ADAMTSL1: variants seen among roughly 807,000 people sequenced by gnomAD.
ADAMTSL1 encodes the protein ADAMTS-like protein 1.
A neutral mutation model predicts 201.8 loss-of-function variants in ADAMTSL1; 126 were observed. That is an observed-to-expected ratio of 0.62 (90% CI 0.54 to 0.72). The LOEUF is 0.72. Ranked by LOEUF, ADAMTSL1 falls within the 30% of genes least tolerant of loss-of-function variation. The pLI is 0.00. For synonymous variants in ADAMTSL1, 1,121 were observed against 903.4 expected (o/e 1.24, Z -4.32); for missense variants, 2,679 against 2,277.8 (o/e 1.18, Z -3.59).
intron 23 of ADAMTSL1, among the ~76,000 whole-genome samples, chr9:18,847,667 G>C (rs1358154897): frequency 2.7e-5 from 2 of 72,916 alleles, no homozygotes; most frequent in East Asian, 6.6e-4. Context: ...GAGAAGAGAG[G>C]AGAAGAGCAT....
intron 2 of ADAMTSL1, among the ~76,000 whole-genome samples, chr9:18,441,156 G>A (rs1178698595): frequency 6.6e-6 from 1 of 151,306 alleles, no homozygotes; most frequent in Non-Finnish European, 1.5e-5. Flanking sequence ...GTAGCTATCA[G>A]GGGCTGGGAG....
At chr9:18,185,787 T>C (rs553622216) in intron 2 of ADAMTSL1, among the ~76,000 whole-genome samples, 9 of 152,162 alleles carry the variant, frequency 5.9e-5, no homozygotes, top group Non-Finnish European at 1.3e-4. Context: ...TGACTCCAAG[T>C]TTACAAGCAT....
At chr9:18,524,507 C>T (rs907948699) in intron 2 of ADAMTSL1, among the ~76,000 whole-genome samples, 4 of 152,086 alleles carry the variant, frequency 2.6e-5, no homozygotes, top group Non-Finnish European at 5.9e-5. Context: ...GAGGGCATCC[C>T]TGTTTTGTGC....
chr9:18,361,879 G>T (rs1364002034), intron 2 of ADAMTSL1, among the ~76,000 whole-genome samples: 1 of 152,116 alleles, frequency 6.6e-6, no homozygotes, highest in Non-Finnish European at 1.5e-5. Flanking sequence ...GCACAATTAT[G>T]TGCAATTTGG....
intron 26 of ADAMTSL1, among the ~76,000 whole-genome samples, chr9:18,894,787 C>G (rs80054120): frequency 0.011 from 1,720 of 152,120 alleles, 43 homozygotes; most frequent in African/African-American, 0.04. Context: ...CAAGTGGTGG[C>G]TAAGAATCAT....
At chr9:18,207,809 AAAGAAAGC>A (rs1829716682) in intron 2 of ADAMTSL1, among the ~76,000 whole-genome samples, 1 of 152,168 alleles carries the variant, frequency 6.6e-6, no homozygotes, top group African/African-American at 2.4e-5. Flanking sequence ...GAGTGTTAAA[AAAGAAAGC>A]AAGATAGGAT....
chr9:18,395,129 T>C (rs1283961280), intron 2 of ADAMTSL1, among the ~76,000 whole-genome samples: 1 of 152,214 alleles, frequency 6.6e-6, no homozygotes, highest in Non-Finnish European at 1.5e-5. Context: ...CTCCCCCTTG[T>C]CCTTAGGCTG....
intron 1 of ADAMTSL1, among the ~76,000 whole-genome samples, chr9:18,123,925 G>A (rs1290216447): frequency 6.6e-6 from 1 of 152,048 alleles, no homozygotes; most frequent in Non-Finnish European, 1.5e-5. Flanking sequence ...AATCTATGAA[G>A]TTTCCAATTT....
At chr9:18,585,588 C>T (rs546136623) in intron 4 of ADAMTSL1, among the ~76,000 whole-genome samples, 21 of 152,100 alleles carry the variant, frequency 1.4e-4, no homozygotes, top group African/African-American at 5.1e-4. Context: ...TATTATATGA[C>T]ACCCTTTTCT....
intron 2 of ADAMTSL1, among the ~76,000 whole-genome samples, chr9:18,443,505 C>T (rs1421714864): frequency 6.6e-6 from 1 of 152,182 alleles, no homozygotes; most frequent in East Asian, 1.9e-4. Flanking sequence ...ATCTTTTGCT[C>T]TTTAGTAAGC....
chr9:17,916,861 A>G (rs115066678), intron 1 of ADAMTSL1, among the ~76,000 whole-genome samples: 4,474 of 152,254 alleles, frequency 0.029, 221 homozygotes, highest in African/African-American at 0.1. Context: ...TAAAAGATAT[A>G]TTTTGAGAGA....
intron 21 of ADAMTSL1, among the ~76,000 whole-genome samples, chr9:18,823,175 A>T (rs1292685021): frequency 6.6e-6 from 1 of 152,170 alleles, no homozygotes; most frequent in Admixed American, 6.5e-5. Flanking sequence ...CATAATGCAG[A>T]TCTGTGCTTG....
chr9:18,273,197 A>T (rs1260187679), intron 2 of ADAMTSL1, among the ~76,000 whole-genome samples: 2 of 152,182 alleles, frequency 1.3e-5, no homozygotes, highest in Non-Finnish European at 2.9e-5. Flanking sequence ...CTCGTGCCTC[A>T]GCCTCCCAAG....
At chr9:18,074,111 G>T (rs1823089098) in intron 1 of ADAMTSL1, among the ~76,000 whole-genome samples, 1 of 152,066 alleles carries the variant, frequency 6.6e-6, no homozygotes, top group South Asian at 2.1e-4. Flanking sequence ...TGAGCATTGG[G>T]GACATGAGAT....
chr9:18,434,860 G>A (rs895961490), intron 2 of ADAMTSL1, among the ~76,000 whole-genome samples: 1 of 152,164 alleles, frequency 6.6e-6, no homozygotes, highest in African/African-American at 2.4e-5. Flanking sequence ...GCTTCTTCAA[G>A]ATCATAACCA....
At chr9:18,039,386 A>C (rs1324254551) in intron 1 of ADAMTSL1, among the ~76,000 whole-genome samples, 1 of 152,208 alleles carries the variant, frequency 6.6e-6, no homozygotes, top group Non-Finnish European at 1.5e-5. Context: ...GCCTTCCTAC[A>C]GGTGACTGTT....
intron 26 of ADAMTSL1, among the ~76,000 whole-genome samples, chr9:18,899,565 T>C (rs4977460): frequency 0.72 from 109,781 of 152,036 alleles, 40,454 homozygotes; most frequent in African/African-American, 0.89. Flanking sequence ...GTAACAAAAA[T>C]AGGAGGGTAC....
intron 23 of ADAMTSL1, among the ~76,000 whole-genome samples, chr9:18,876,993 G>T (rs766946662): frequency 6.6e-6 from 1 of 152,058 alleles, no homozygotes; most frequent in African/African-American, 2.4e-5. Flanking sequence ...CAAAAGACTT[G>T]TCTTCAAGCT....
At chr9:18,633,676 C>T (rs181927573) in intron 5 of ADAMTSL1, among the ~76,000 whole-genome samples, 2 of 136,472 alleles carry the variant, frequency 1.5e-5, no homozygotes, top group African/African-American at 5.2e-5. Flanking sequence ...TCTATATTCC[C>T]CTTACACTTT....
Sources: allele counts gnomAD v4.1 joint callset (sites outside exome capture counted in the v4.1 genomes callset), GRCh38; gene constraint gnomAD v4.1.1; transcripts MANE v1.5; gene names NCBI Gene and HGNC (gene_info 2026-07-23, HGNC 2026-07-21).